The following HDGFL3 variants were observed in gnomAD, a reference collection of about 807,000 sequenced individuals.
HDGFL3 encodes the protein hepatoma-derived growth factor-related protein 3.
In HDGFL3, 6 loss-of-function variants were observed where a neutral mutation model predicts 27.6. The observed-to-expected ratio is 0.22, with a 90% CI of 0.12 to 0.43. The LOEUF (loss-of-function observed/expected upper bound fraction) is 0.43, where lower values mean the gene tolerates loss of function less well. HDGFL3 is among the 20% of genes least tolerant of loss of function. The pLI is 1.00. For synonymous variants in HDGFL3, 88 were observed against 88.9 expected, an observed-to-expected ratio of 0.99 and a Z score of 0.05; for missense variants, 207 against 250.1, an observed-to-expected ratio of 0.83 and a Z score of 1.16.
At position 83,151,380 on chromosome 15, in the gene HDGFL3, T is replaced by G. The variant is rs749353709; in HGVS notation, c.460-19A>C. 6 of 1,588,104 alleles carry G rather than the reference T, an allele frequency of 3.8e-6. No individual in the cohort carries two copies. The highest frequency in any genetic ancestry group is 1.8e-5 in the Admixed American group (1 of 54,348). On this transcript the variant is annotated intron_variant, in intron 4 of 5. Coordinates refer to ENST00000299633, the MANE Select transcript of HDGFL3 (RefSeq NM_016073.4). ...AGGATTTCTAAATGTTTAGACAAGT[T>G]AAATATTATAGTCAAAAGCAGAAAT...
downstream of HDGFL3, chr15:83,126,813 A>G: frequency 6.2e-7 from 1 of 1,614,008 alleles, no homozygotes; most frequent in Admixed American, 1.7e-5. Flanking sequence ...CAAGAGCCCT[A>G]TCTAAAGGAT....
chr15:83,193,152 G>A (rs574720457), intron 1 of HDGFL3, among the ~76,000 whole-genome samples: 2 of 152,220 alleles, frequency 1.3e-5, no homozygotes, highest in South Asian at 2.1e-4. Flanking sequence ...AAAGCAATCC[G>A]TGCAATGGGA....
At chr15:83,172,310 T>C (rs146431765) in intron 1 of HDGFL3, among the ~76,000 whole-genome samples, 312 of 152,296 alleles carry the variant, frequency 2.0e-3, no homozygotes, top group African/African-American at 7.4e-3. Flanking sequence ...GCCTTCCTCT[T>C]GGACTTAGCC....
chr15:83,178,952 T>G (rs1047220327), intron 1 of HDGFL3, among the ~76,000 whole-genome samples: 5 of 152,114 alleles, frequency 3.3e-5, no homozygotes, highest in Non-Finnish European at 5.9e-5. Flanking sequence ...AGAGCCTATC[T>G]GCAAGTTCTC....
chr15:83,178,074 C>T (rs2037334607), intron 1 of HDGFL3, among the ~76,000 whole-genome samples: 1 of 152,174 alleles, frequency 6.6e-6, no homozygotes, highest in South Asian at 2.1e-4. Context: ...ATACTGAAAG[C>T]TGTGAAGGTT....
In HDGFL3 at chr15:83,149,047, A is replaced by G. The variant is rs989609755; in HGVS notation, c.606+2168T>C. Among the ~76,000 whole-genome samples the G allele has an allele frequency of 7.9e-5, 12 of 152,130 alleles. 1 individual carries two copies. Among genetic ancestry groups the G allele is most frequent in the Admixed American group, 4.6e-4 (7 of 15,270 alleles). On this transcript the variant is annotated intron_variant, in intron 5 of 5. Coordinates refer to ENST00000299633, the MANE Select transcript of HDGFL3 (RefSeq NM_016073.4). ...TAGCTTTATAACCTTATATTTATAT[A>G]TATTATTTTGTATATAACAAATATA...
At chr15:83,151,564 T>C (rs1463417121) in intron 4 of HDGFL3, among the ~76,000 whole-genome samples, 2 of 152,186 alleles carry the variant, frequency 1.3e-5, no homozygotes, top group African/African-American at 4.8e-5. Context: ...TTTAACTAGC[T>C]GGAAAGGAAG....
chr15:83,127,313 T>G (rs1257078530), downstream of HDGFL3: 2 of 1,533,082 alleles, frequency 1.3e-6, no homozygotes, highest in Non-Finnish European at 8.8e-7. Context: ...TCAGGCCAAG[T>G]TAACTGCCAA....
At chr15:83,115,745 G>C in intron 3 of HDGFL3, 1 of 836,654 alleles carries the variant, frequency 1.2e-6, no homozygotes, top group Non-Finnish European at 2.0e-6. Flanking sequence ...GCATCTTCTG[G>C]AAAACATGAA....
At chr15:83,144,630 C>T (rs972693958) in intron 5 of HDGFL3, 24 of 424,384 alleles carry the variant, frequency 5.7e-5, no homozygotes, top group African/African-American at 3.5e-4. Flanking sequence ...GTCCAACAAC[C>T]GTGAGGAGCT....
At chr15:83,140,942 CCAAA>C (rs879468945) in intron 5 of HDGFL3, among the ~76,000 whole-genome samples, 4 of 152,016 alleles carry the variant, frequency 2.6e-5, no homozygotes, top group Non-Finnish European at 2.9e-5. Flanking sequence ...TATTAATACC[CCAAA>C]CAAAGTGAAG....
chr15:83,165,404 C>G (rs1367848689), intron 1 of HDGFL3, among the ~76,000 whole-genome samples: 2 of 152,186 alleles, frequency 1.3e-5, no homozygotes, highest in South Asian at 2.1e-4. Flanking sequence ...TTTAGAATCT[C>G]TAGCACATAC....
intron 1 of HDGFL3, chr15:83,192,401 T>C (rs2037522083): frequency 4.7e-6 from 2 of 427,218 alleles, no homozygotes; most frequent in Admixed American, 5.0e-5. Context: ...AAGCAAACAG[T>C]AGGAAGAAAA....
rs1302947077 is a variant in HDGFL3 at position 83,135,654 on chromosome 15, C to T, written c.*3616G>A. ...TGCTTGCGAAAAATATCAAAAAAGA[C>T]CAATTGGCACATTCTGAATGTGTTT... is the stretch of plus-strand genomic sequence containing the variant. On this transcript the variant is annotated 3_prime_UTR_variant, in exon 6 of 6. Transcript: ENST00000299633. 6.6e-6 allele frequency: 1 copy of T among 152,098 alleles called. No individual in the cohort carries two copies. The highest frequency in any genetic ancestry group is 1.9e-4 in the East Asian group (1 of 5,192). The allele number at this position is 152,098 out of a possible 1,614,324, so 9.4% of individuals were successfully genotyped here.
chr15:83,150,419 G>A (rs2036949326), intron 5 of HDGFL3, among the ~76,000 whole-genome samples: 1 of 152,090 alleles, frequency 6.6e-6, no homozygotes, highest in South Asian at 2.1e-4. Flanking sequence ...GGCTGAGCTG[G>A]GTGAGAGGAA....
At chr15:83,115,981 A>G (rs924869646) in intron 3 of HDGFL3, 2 of 1,467,278 alleles carry the variant, frequency 1.4e-6, no homozygotes, top group Non-Finnish European at 1.9e-6. Flanking sequence ...TTCAACCAAA[A>G]GGCCACAACC....
chr15:83,125,777 T>A (rs1596508413), downstream of HDGFL3, among the ~76,000 whole-genome samples: 1 of 152,126 alleles, frequency 6.6e-6, no homozygotes, highest in East Asian at 1.9e-4. Context: ...CATTTCAGGG[T>A]CTTGGGCTAC....
intron 1 of HDGFL3, among the ~76,000 whole-genome samples, chr15:83,195,518 T>C (rs2037559192): frequency 6.6e-6 from 1 of 152,110 alleles, no homozygotes; most frequent in Non-Finnish European, 1.5e-5. Flanking sequence ...TATCTCAAGC[T>C]CTTTAATGTT....
chr15:83,165,681 G>C (rs1029289912), intron 1 of HDGFL3, among the ~76,000 whole-genome samples: 7 of 151,168 alleles, frequency 4.6e-5, no homozygotes, highest in South Asian at 2.1e-4. Flanking sequence ...TGTAGTCCCA[G>C]CTACTCAGGA....
Sources: gnomAD v4.1 joint callset for allele counts (sites outside exome capture counted in the v4.1 genomes callset) on GRCh38, gnomAD v4.1.1 for gene constraint, MANE v1.5 for transcripts, NCBI Gene and HGNC (gene_info 2026-07-23, HGNC 2026-07-21) for gene names.